The following EML2 variants were observed in gnomAD, a reference collection of about 807,000 sequenced individuals.
EML2 encodes the protein EMAP like 2, also known as echinoderm microtubule-associated protein-like 2.
A neutral mutation model predicts 84.7 loss-of-function variants in EML2; 59 were observed. The observed-to-expected ratio is 0.70, with a 90% CI of 0.56 to 0.86. The LOEUF (loss-of-function observed/expected upper bound fraction) is 0.86. EML2 is among the 40% of genes least tolerant of loss of function. The pLI is 0.00. For synonymous variants in EML2, 352 were observed against 348.9 expected, an observed-to-expected ratio of 1.01 and a Z score of -0.10; for missense variants, 818 against 855.6, an observed-to-expected ratio of 0.96 and a Z score of 0.55.
chr19:45,612,094 C>CA (rs1404183244), intron 18 of EML2, among the ~76,000 whole-genome samples: 1 of 151,338 alleles, frequency 6.6e-6, no homozygotes, highest in African/African-American at 2.4e-5. Context: ...CTCTATCGCT[C>CA]AGTGCATTGT....
intron 10 of EML2, 21 bp from the exon 11 acceptor site, chr19:45,621,353 G>A: frequency 6.3e-7 from 1 of 1,590,538 alleles, no homozygotes; most frequent in Non-Finnish European, 8.6e-7. Context: ...AGATAAGAGG[G>A]AAGATGAGTA....
chr19:45,621,386 G>A (rs1971678592), intron 10 of EML2, 54 bp from the exon 11 acceptor site: 1 of 1,574,942 alleles, frequency 6.3e-7, no homozygotes, highest in Non-Finnish European at 8.6e-7. Flanking sequence ...GTGGGTGTGG[G>A]GTGACATACT....
chr19:45,614,446 T>A (rs1415469435), intron 17 of EML2, among the ~76,000 whole-genome samples, 159 bp downstream of exon 17: 2 of 152,174 alleles, frequency 1.3e-5, no homozygotes, highest in African/African-American at 4.8e-5. Context: ...TAATGAGTCA[T>A]CTCACCCTAC....
At position 45,638,559 on chromosome 19, in the gene EML2, T is replaced by C. The variant is rs1460608592; in HGVS notation, c.125A>G (p.Tyr42Cys). The C allele has an allele frequency of 6.2e-7, 1 of 1,614,064 alleles. No individual in the cohort carries two copies. The highest frequency in any genetic ancestry group is 2.2e-5 in the East Asian group (1 of 44,876). Residue 42 changes from tyrosine (Y) to cysteine (C), a missense_variant, in exon 3 of 19, where the codon TAC (tyrosine) becomes TGC (cysteine). Tyr to Cys is a radical substitution (Grantham distance 194). Coordinates refer to ENST00000245925, the MANE Select transcript of EML2 (RefSeq NM_012155.4). Reference sequence around the variant, plus strand: ...CAGCTCCGAGCGTGTGTCCAGGCTGTAGGTGGGTGCCAGCTCGTCTGGGAT... The same window carrying C: ...CAGCTCCGAGCGTGTGTCCAGGCTGCAGGTGGGTGCCAGCTCGTCTGGGAT... ...MMIPDELAPT[Y>C]SLDTRSELPS...
Position 45,619,125 on chromosome 19 carries a change from G to A in EML2, c.1189C>T (p.Gln397Ter), listed in dbSNP as rs751298284. ...PSRAQFVTCG[Q>*]DKLVHLWSSD... is the part of the protein sequence containing the mutation. ...CTCCATAGATGCACCAGCTTATCCTGCCCGCAGGTCACAAACTGGGCCCGA... is the reference window on the plus strand; with the variant it reads ...CTCCATAGATGCACCAGCTTATCCTACCCGCAGGTCACAAACTGGGCCCGA... Residue 397 changes from glutamine (Q) to a stop codon, truncating the protein, a stop_gained, in exon 12 of 19, where the codon CAG becomes TAG. Coordinates refer to ENST00000245925, the MANE Select transcript of EML2 (RefSeq NM_012155.4). LOFTEE classifies it high-confidence loss of function. 2 of 1,613,036 alleles carry A rather than the reference G, an allele frequency of 1.2e-6. No homozygotes were observed. The highest frequency in any genetic ancestry group is 1.7e-6 in the Non-Finnish European group (2 of 1,179,802).
chr19:45,616,285 G>A, intron 15 of EML2, 176 bp downstream of exon 15: 1 of 588,458 alleles, frequency 1.7e-6, no homozygotes, highest in Non-Finnish European at 3.0e-6. Context: ...CTACACAAAG[G>A]GGCGGGCTTA....
chr19:45,643,853 T>C, upstream of EML2: 1 of 1,206,422 alleles, frequency 8.3e-7, no homozygotes, highest in South Asian at 1.6e-5. Flanking sequence ...GGGAGCCTCC[T>C]GAGGTCAGAA....
rs759579405 is a variant in EML2, at chr19:45,615,828, T to C, written c.1571A>G (p.Asn524Ser). ...WAQDSSCFVT[N>S]SGDYEILYWD... ...GTACAGAATCTCATAGTCCCCGGAG[T>C]TGGTGACAAAGCAGCTGCTGTCCTG... The change falls in exon 16 of 19, where the codon AAC (asparagine) becomes AGC (serine). Residue 524 changes from asparagine to serine, a missense_variant. By Grantham distance (46) the Asn-to-Ser change is conservative. Transcript: ENST00000245925. 47 of 1,612,508 alleles carry C rather than the reference T, an allele frequency of 2.9e-5. No individual in the cohort carries two copies. The highest frequency in any genetic ancestry group is 4.0e-5 in the African/African-American group (3 of 74,498).
intron 18 of EML2, among the ~76,000 whole-genome samples, chr19:45,610,573 C>T (rs777218151): frequency 6.6e-6 from 1 of 152,172 alleles, no homozygotes; most frequent in Non-Finnish European, 1.5e-5. Context: ...CGTGGTGGCT[C>T]ATGCTTATAA....
chr19:45,616,647 C>T, intron 14 of EML2, 89 bp from the exon 15 acceptor site: 3 of 1,380,080 alleles, frequency 2.2e-6, no homozygotes, highest in Non-Finnish European at 3.1e-6. Flanking sequence ...TCCCCAGCTC[C>T]ATCCCCACTG....
chr19:45,641,513 C>T (rs1974495655), upstream of EML2: 1 of 926,874 alleles, frequency 1.1e-6, no homozygotes, highest in Non-Finnish European at 1.6e-6. Context: ...AAGGCTCTGG[C>T]ACCGTCCCCG....
chr19:45,642,126 G>A (rs1219212847), upstream of EML2: 8 of 1,493,418 alleles, frequency 5.4e-6, no homozygotes, highest in South Asian at 1.3e-5. Context: ...CCAGTCTAAC[G>A]GGGATACCCG....
At chr19:45,629,524 A>G (rs1310630602) in intron 7 of EML2, among the ~76,000 whole-genome samples, 2 of 151,614 alleles carry the variant, frequency 1.3e-5, no homozygotes, top group African/African-American at 4.9e-5. Context: ...GGGTTTCTCC[A>G]TGTTGGTCAG....
intron 3 of EML2, among the ~76,000 whole-genome samples, chr19:45,635,574 GTCTGTTTCC>G (rs1295359254): frequency 7.6e-6 from 1 of 132,206 alleles, no homozygotes; most frequent in Non-Finnish European, 1.6e-5. Context: ...AAAAATGAAT[GTCTGTTTCC>G]TTTTTTTTTT....
chr19:45,621,448 C>T (rs781198569), intron 10 of EML2, 35 bp downstream of exon 10: 1 of 1,598,204 alleles, frequency 6.3e-7, no homozygotes, highest in Non-Finnish European at 8.5e-7. Flanking sequence ...GGGGGGGCCT[C>T]TCTACCCCCA....
intron 17 of EML2, 138 bp from the exon 18 acceptor site, chr19:45,613,809 T>A: frequency 9.2e-7 from 1 of 1,090,752 alleles, no homozygotes; most frequent in Non-Finnish European, 1.3e-6. Flanking sequence ...CAGAATTACC[T>A]TAAAATGTGA....
chr19:45,616,438 G>A, intron 15 of EML2, 23 bp downstream of exon 15: 1 of 1,560,680 alleles, frequency 6.4e-7, no homozygotes, highest in South Asian at 1.1e-5. Flanking sequence ...GGCGGCGCGG[G>A]CTGGGGGCCA....
At position 45,615,866 on chromosome 19, in the gene EML2, G is replaced by A. The variant is rs778533188; in HGVS notation, c.1533C>T (p.His511=). ...AGCTGCTGTCCTGGGCCCAATCCAG[G>A]TGGGTGATAAAACTGGAATGGCCCT... ...KCSGHSSFIT[H]LDWAQDSSCF... is the part of the protein sequence containing the mutation. Residue 511 remains histidine, a synonymous_variant, in exon 16 of 19, where the codon CAC becomes CAT. Transcript: ENST00000245925. 7 of 1,614,016 alleles carry A rather than the reference G, an allele frequency of 4.3e-6. No individual in the cohort carries two copies. The South Asian group carries it at 6.6e-5, about 15-fold the overall frequency.
chr19:45,642,992 AAAAAAAG>A (rs1005451482), upstream of EML2, among the ~76,000 whole-genome samples: 118 of 151,398 alleles, frequency 7.8e-4, no homozygotes, highest in East Asian at 3.5e-3. Context: ...CTCAAAAAAA[AAAAAAAG>A]AAAAAAGAAA....
Sources: allele counts gnomAD v4.1 joint callset (sites outside exome capture counted in the v4.1 genomes callset), GRCh38; gene constraint gnomAD v4.1.1; transcripts MANE v1.5; gene names NCBI Gene and HGNC (gene_info 2026-07-23, HGNC 2026-07-21).